SPATA17: variants seen among roughly 807,000 people sequenced by gnomAD.
The protein encoded by SPATA17 is spermatogenesis-associated protein 17.
Under a neutral mutation model 62.2 loss-of-function variants are expected in SPATA17, and 53 were observed. The observed-to-expected ratio is 0.85, with a 90% CI of 0.68 to 1.07. The LOEUF is 1.07. SPATA17 is among the 50% of genes least tolerant of loss of function. The pLI is 0.00. For synonymous variants in SPATA17, 146 were observed against 146.8 expected (o/e 0.99, Z 0.04); for missense variants, 466 against 425.5 (o/e 1.10, Z -0.84).
chr1:217,850,831 A>T (rs562909885), intron 9 of SPATA17, among the ~76,000 whole-genome samples: 1 of 152,260 alleles, frequency 6.6e-6, no homozygotes, highest in Middle Eastern at 3.4e-3. Flanking sequence ...TTCCCCCAGG[A>T]ACCTTACCAT....
At chr1:217,645,701 C>G (rs536009908) in intron 1 of SPATA17, among the ~76,000 whole-genome samples, 1 of 152,224 alleles carries the variant, frequency 6.6e-6, no homozygotes, top group East Asian at 1.9e-4. Flanking sequence ...GTTGCCTGCT[C>G]TACTGGACAT....
chr1:217,684,045 A>G (rs2102906875), intron 5 of SPATA17, among the ~76,000 whole-genome samples: 1 of 152,276 alleles, frequency 6.6e-6, no homozygotes, highest in Non-Finnish European at 1.5e-5. Context: ...CATAGCAAGA[A>G]CTTGCCTCTC....
chr1:217,774,161 A>C (rs1305561292), intron 6 of SPATA17, among the ~76,000 whole-genome samples, 173 bp from the exon 7 acceptor site: 1 of 152,220 alleles, frequency 6.6e-6, no homozygotes, highest in Non-Finnish European at 1.5e-5. Context: ...AAGGACAAGT[A>C]TGAGTATTTT....
Position 217,726,712 on chromosome 1 carries a change from T to A in SPATA17, c.396-15263T>A, listed in dbSNP as rs74710147. On this transcript the variant is annotated intron_variant, in intron 5 of 10. Transcript: ENST00000366933. Reference sequence around the variant, plus strand: ...TATTTCCCTTGTTTTCCCATATTTTTGTGTGTTTTTTTTTTCATTTTGGCT... The same window carrying A: ...TATTTCCCTTGTTTTCCCATATTTTAGTGTGTTTTTTTTTTCATTTTGGCT... Among the ~76,000 whole-genome samples, 428 of 141,274 alleles carry A rather than the reference T, an allele frequency of 3.0e-3. 13 individuals are homozygous for A. In the East Asian group the frequency reaches 0.033, roughly 11 times the overall value. The allele number at this position is 141,274 out of a possible 152,430, so 92.7% of individuals were successfully genotyped here. A position where few individuals can be genotyped will look rare whatever the true frequency, so the allele number is the denominator to read the frequency against.
chr1:217,780,198 A>T (rs972665817), intron 7 of SPATA17, among the ~76,000 whole-genome samples: 1 of 152,154 alleles, frequency 6.6e-6, no homozygotes, highest in Non-Finnish European at 1.5e-5. Context: ...CTGATATCCA[A>T]AAAAGGCAGT....
At position 217,801,775 on chromosome 1, in the gene SPATA17, A is replaced by T. The variant is rs140607045; in HGVS notation, c.930A>T (p.Leu310Phe). 2.5e-6 allele frequency: 4 copies of T among 1,611,124 alleles called. No homozygotes were observed. Among genetic ancestry groups the T allele is most frequent in the Non-Finnish European group, 3.4e-6 (4 of 1,178,942 alleles). The change falls in exon 9 of 11, where the codon TTA (leucine) becomes TTT (phenylalanine). Residue 310 changes from leucine to phenylalanine, a missense_variant. Physicochemically the swap from Leu to Phe is conservative, Grantham distance 22. Coordinates refer to ENST00000366933, the MANE Select transcript of SPATA17 (RefSeq NM_138796.4). ...AAAAGTACATCCCATCAATGCATTT[A>T]TCAAGCAAGTATGGTCCTATTTCTT... ...KNEKYIPSMH[L>F]SSKYGPISYK...
At chr1:217,846,015 C>G (rs745358599) in intron 9 of SPATA17, among the ~76,000 whole-genome samples, 1 of 152,006 alleles carries the variant, frequency 6.6e-6, no homozygotes, top group Admixed American at 6.6e-5. Flanking sequence ...TAACTAGCCT[C>G]TATGATAGAA....
At chr1:217,847,974 G>C (rs115478462) in intron 9 of SPATA17, among the ~76,000 whole-genome samples, 272 of 152,150 alleles carry the variant, frequency 1.8e-3, no homozygotes, top group African/African-American at 6.2e-3. Context: ...TGAGGCTGCA[G>C]TAAGCCTTGA....
intron 3 of SPATA17, among the ~76,000 whole-genome samples, chr1:217,657,957 C>T (rs1018730669): frequency 1.1e-4 from 16 of 152,214 alleles, no homozygotes; most frequent in East Asian, 1.9e-4. Flanking sequence ...AGAGAATGAG[C>T]AAAAGGAGGA....
At chr1:217,696,922 C>G (rs971458023) in intron 5 of SPATA17, among the ~76,000 whole-genome samples, 1 of 152,124 alleles carries the variant, frequency 6.6e-6, no homozygotes, top group Admixed American at 6.5e-5. Flanking sequence ...TCAAATCTTC[C>G]GAACTCATCA....
chr1:217,836,139 C>G (rs1675254640), intron 9 of SPATA17, among the ~76,000 whole-genome samples: 1 of 152,144 alleles, frequency 6.6e-6, no homozygotes, highest in Non-Finnish European at 1.5e-5. Context: ...GTGAATTAAA[C>G]TCTCTTTACT....
At chr1:217,862,453 C>T (rs958356143) in intron 9 of SPATA17, among the ~76,000 whole-genome samples, 8 of 152,082 alleles carry the variant, frequency 5.3e-5, no homozygotes, top group Admixed American at 2.6e-4. Flanking sequence ...AGTACCAATC[C>T]CTATGAAGCC....
intron 5 of SPATA17, among the ~76,000 whole-genome samples, chr1:217,705,209 T>C (rs1051776595): frequency 1.3e-5 from 2 of 152,138 alleles, no homozygotes; most frequent in African/African-American, 4.8e-5. Flanking sequence ...CTTCTTTTGA[T>C]AAGTGTCTGT....
At chr1:217,632,237 C>A (rs919144153) in intron 1 of SPATA17, among the ~76,000 whole-genome samples, 3 of 151,804 alleles carry the variant, frequency 2.0e-5, no homozygotes, top group African/African-American at 7.3e-5. Flanking sequence ...GTGTCTAAAC[C>A]ATTCTGACAC....
intron 9 of SPATA17, among the ~76,000 whole-genome samples, chr1:217,814,541 T>C (rs937987299): frequency 2.6e-5 from 4 of 152,090 alleles, no homozygotes; most frequent in Admixed American, 2.6e-4. Flanking sequence ...TTATGAAAAG[T>C]TTCTCCTGAA....
At chr1:217,772,452 A>G (rs1474467577) in intron 6 of SPATA17, among the ~76,000 whole-genome samples, 1 of 152,224 alleles carries the variant, frequency 6.6e-6, no homozygotes, top group Non-Finnish European at 1.5e-5. Context: ...GTCTCCAATT[A>G]AAAAATAGAA....
At chr1:217,777,301 A>G (rs1367688528) in intron 7 of SPATA17, among the ~76,000 whole-genome samples, 1 of 152,204 alleles carries the variant, frequency 6.6e-6, no homozygotes, top group Non-Finnish European at 1.5e-5. Context: ...GTCTTAGAGA[A>G]AGAGCTATAA....
intron 9 of SPATA17, among the ~76,000 whole-genome samples, chr1:217,821,317 A>G (rs142569052): frequency 6.6e-6 from 1 of 152,230 alleles, no homozygotes; most frequent in East Asian, 1.9e-4. Flanking sequence ...CCAATATCTA[A>G]TGGCCATCCG....
chr1:217,852,098 C>A (rs752852877), intron 9 of SPATA17, among the ~76,000 whole-genome samples: 1 of 152,128 alleles, frequency 6.6e-6, no homozygotes, highest in Non-Finnish European at 1.5e-5. Flanking sequence ...TGTTAGCTCT[C>A]CTCTTGGAGA....
Sources: allele counts gnomAD v4.1 joint callset (sites outside exome capture counted in the v4.1 genomes callset), GRCh38; gene constraint gnomAD v4.1.1; transcripts MANE v1.5; gene names NCBI Gene and HGNC (gene_info 2026-07-23, HGNC 2026-07-21).